The following DTNB variants were observed in gnomAD, a reference collection of about 807,000 sequenced individuals.
DTNB encodes DTN-B.
Under a neutral mutation model 90.7 loss-of-function variants are expected in DTNB, and 63 were observed. The ratio of observed to expected loss-of-function variants is 0.69; its 90% CI spans 0.57 to 0.86. DTNB has a LOEUF of 0.86. DTNB is among the 40% of genes least tolerant of loss of function. The pLI, the probability that DTNB is intolerant of heterozygous loss-of-function variation, is 0.00. For missense variants in DTNB, 744 were observed against 807.1 expected, an observed-to-expected ratio of 0.92 and a Z score of 0.95; for synonymous variants, 277 against 286.7, an observed-to-expected ratio of 0.97 and a Z score of 0.34.
At chr2:25,576,731 A>G (rs1312953765) in intron 8 of DTNB, 107 bp downstream of exon 8, 2 of 1,319,378 alleles carry the variant, frequency 1.5e-6, no homozygotes, top group Admixed American at 3.1e-5. Context: ...AGATTTTACT[A>G]TATCACACCC....
chr2:25,495,891 T>C (rs113772071), intron 9 of DTNB, among the ~76,000 whole-genome samples: 16 of 152,332 alleles, frequency 1.1e-4, no homozygotes, highest in Non-Finnish European at 2.1e-4. Flanking sequence ...AATTAACCAA[T>C]TGGTTAATAT....
intron 1 of DTNB, among the ~76,000 whole-genome samples, chr2:25,653,478 G>GCTTGCTTTCTTT (rs1553649666): frequency 2.6e-5 from 3 of 116,596 alleles, no homozygotes; most frequent in African/African-American, 1.1e-4. Flanking sequence ...TTCAGAGCTT[G>GCTTGCTTTCTTT]CTTTCTTTCT....
chr2:25,403,688 G>A (rs1291465744), intron 16 of DTNB, among the ~76,000 whole-genome samples: 2 of 152,202 alleles, frequency 1.3e-5, no homozygotes, highest in East Asian at 3.8e-4. Context: ...CCAAATTTGT[G>A]TGGTGAGGTA....
chr2:25,515,568 C>T (rs2074921249), intron 9 of DTNB, among the ~76,000 whole-genome samples: 1 of 139,774 alleles, frequency 7.2e-6, no homozygotes, highest in Non-Finnish European at 1.5e-5. Flanking sequence ...AGTGGATATC[C>T]ATGCATTTAT....
At chr2:25,500,295 G>A (rs535009679) in intron 9 of DTNB, among the ~76,000 whole-genome samples, 2 of 152,214 alleles carry the variant, frequency 1.3e-5, no homozygotes, top group Non-Finnish European at 2.9e-5. Context: ...AATTTTAAAT[G>A]GAAAAGATAT....
At chr2:25,548,627 G>C (rs1408542781) in intron 8 of DTNB, among the ~76,000 whole-genome samples, 1 of 152,164 alleles carries the variant, frequency 6.6e-6, no homozygotes, top group African/African-American at 2.4e-5. Context: ...AGTCAGCCTG[G>C]AGTGGAGTAA....
At chr2:25,529,550 G>T (rs2077762104) in intron 9 of DTNB, among the ~76,000 whole-genome samples, 1 of 152,062 alleles carries the variant, frequency 6.6e-6, no homozygotes, top group Admixed American at 6.5e-5. Flanking sequence ...CTGTGCTATG[G>T]AACACTGTGT....
intron 3 of DTNB, among the ~76,000 whole-genome samples, 196 bp from the exon 4 acceptor site, chr2:25,628,580 G>C (rs1038536725): frequency 3.3e-5 from 5 of 152,106 alleles, no homozygotes; most frequent in African/African-American, 1.2e-4. Flanking sequence ...CAGCGGTATG[G>C]GAAGGACTAC....
intron 1 of DTNB, chr2:25,652,891 T>C (rs1236760466): frequency 1.3e-5 from 5 of 385,120 alleles, no homozygotes; most frequent in Non-Finnish European, 1.8e-5. Flanking sequence ...CTCATACACT[T>C]GCTTACTGTG....
intron 9 of DTNB, among the ~76,000 whole-genome samples, chr2:25,511,230 C>T (rs1030374064): frequency 1.3e-5 from 2 of 152,136 alleles, no homozygotes; most frequent in Non-Finnish European, 2.9e-5. Context: ...TGTTCAGCAT[C>T]GTACCATTTA....
chr2:25,628,367 A>C lies in DTNB; in HGVS notation c.166T>G (p.Trp56Gly). ...TCTCGGAAGGCTTCAATCATGTTCC[A>C]GATATCAACAAGATGAACTAAAAGA... Reference protein sequence around the residue: ...KRCNLHLVDIWNMIEAFRDNG... With the variant: ...KRCNLHLVDIGNMIEAFRDNG... The change falls in exon 4 of 21, where the codon TGG (tryptophan) becomes GGG (glycine). Residue 56 changes from tryptophan to glycine, a missense_variant. By Grantham distance (184) the Trp-to-Gly change is radical. Transcript: ENST00000406818. The C allele has an allele frequency of 6.2e-7, 1 of 1,613,316 alleles. No homozygotes were observed. The highest frequency in any genetic ancestry group is 8.5e-7 in the Non-Finnish European group (1 of 1,179,692).
chr2:25,394,238 T>A (rs559056539), intron 16 of DTNB, among the ~76,000 whole-genome samples: 1 of 152,182 alleles, frequency 6.6e-6, no homozygotes, highest in South Asian at 2.1e-4. Context: ...TATACAAAAA[T>A]CAACTCAGGT....
intron 9 of DTNB, among the ~76,000 whole-genome samples, chr2:25,490,831 C>T (rs1217531475): frequency 6.6e-6 from 1 of 152,114 alleles, no homozygotes; most frequent in Admixed American, 6.5e-5. Context: ...ATTATTTATG[C>T]TGTCTTCACA....
At chr2:25,444,474 G>T (rs1465253252) in intron 12 of DTNB, among the ~76,000 whole-genome samples, 1 of 150,390 alleles carries the variant, frequency 6.6e-6, no homozygotes, top group East Asian at 2.0e-4. Context: ...GGAGGAGGTT[G>T]CAGTAAGCCG....
chr2:25,540,782 C>A (rs2081049584), intron 8 of DTNB, among the ~76,000 whole-genome samples: 1 of 152,112 alleles, frequency 6.6e-6, no homozygotes, highest in South Asian at 2.1e-4. Flanking sequence ...TGTGTCCACT[C>A]AGGGTTAAAT....
At chr2:25,526,099 C>T (rs180933055) in intron 9 of DTNB, among the ~76,000 whole-genome samples, 9 of 151,984 alleles carry the variant, frequency 5.9e-5, no homozygotes, top group East Asian at 1.9e-4. Flanking sequence ...TGAATGAAAA[C>T]GAAGAGATTA....
intron 15 of DTNB, among the ~76,000 whole-genome samples, chr2:25,420,292 T>C (rs1360807471): frequency 1.5e-5 from 2 of 137,822 alleles, no homozygotes; most frequent in Admixed American, 7.6e-5. Context: ...TTTTTTTCAG[T>C]GAGTCCCATA....
chr2:25,580,132 C>G (rs559736166), intron 7 of DTNB, among the ~76,000 whole-genome samples: 1 of 151,962 alleles, frequency 6.6e-6, no homozygotes, highest in Admixed American at 6.6e-5. Flanking sequence ...CAGGCACCCA[C>G]AACCACGCCC....
intron 14 of DTNB, among the ~76,000 whole-genome samples, chr2:25,429,319 C>T (rs185616736): frequency 4.6e-4 from 70 of 152,188 alleles, no homozygotes; most frequent in African/African-American, 1.5e-3. Context: ...TGATTATGTG[C>T]GTGGCCTGCA....
Sources: gnomAD v4.1 joint callset for allele counts (sites outside exome capture counted in the v4.1 genomes callset) on GRCh38, gnomAD v4.1.1 for gene constraint, MANE v1.5 for transcripts, NCBI Gene and HGNC (gene_info 2026-07-23, HGNC 2026-07-21) for gene names.